Variants in KIF18A observed in about 807,000 individuals in gnomAD.
The protein encoded by KIF18A is kinesin family member 18A.
Under a neutral mutation model 103.3 loss-of-function variants are expected in KIF18A, and 67 were observed. That is an observed-to-expected ratio of 0.65 (90% CI 0.53 to 0.79). The LOEUF is 0.79. KIF18A is among the 30% of genes least tolerant of loss of function. The pLI is 0.00. For synonymous variants in KIF18A, 367 were observed against 355.5 expected, an observed-to-expected ratio of 1.03 and a Z score of -0.36; for missense variants, 1,032 against 1,062.5, an observed-to-expected ratio of 0.97 and a Z score of 0.40.
chr11:28,082,135 A>C (rs1851173393), intron 9 of KIF18A, among the ~76,000 whole-genome samples: 1 of 152,078 alleles, frequency 6.6e-6, no homozygotes, highest in South Asian at 2.1e-4. Context: ...TTTACCACCT[A>C]CTCCCTATAA....
intron 7 of KIF18A, 101 bp from the exon 8 acceptor site, chr11:28,083,344 T>C: frequency 7.8e-7 from 1 of 1,281,180 alleles, no homozygotes; most frequent in Non-Finnish European, 1.0e-6. Context: ...GTTCCATGAA[T>C]TCAGAATTTG....
At chr11:28,052,967 A>G (rs1214915615) in intron 13 of KIF18A, among the ~76,000 whole-genome samples, 1 of 152,230 alleles carries the variant, frequency 6.6e-6, no homozygotes. Flanking sequence ...AGTAATGAAT[A>G]TGGAAAAAAG....
rs72876426 is a variant in KIF18A, at chr11:28,081,141, T to C, written c.1262+1715A>G. ...TAAAAGTGTAAGAAAAAAAGCCTTCTCTAGAACATAAAAGTCTAGGTGAAG... is the reference window on the plus strand; with the variant it reads ...TAAAAGTGTAAGAAAAAAAGCCTTCCCTAGAACATAAAAGTCTAGGTGAAG... On this transcript the variant is annotated intron_variant, in intron 9 of 16. Coordinates refer to ENST00000263181, the MANE Select transcript of KIF18A (RefSeq NM_031217.4). Among the ~76,000 whole-genome samples the C allele has an allele frequency of 1.5e-3, 231 of 152,282 alleles. 1 individual carries two copies. The highest frequency in any genetic ancestry group is 2.5e-3 in the Non-Finnish European group (169 of 68,018).
chr11:28,039,631 G>A (rs370220117), intron 13 of KIF18A, among the ~76,000 whole-genome samples: 16 of 151,748 alleles, frequency 1.1e-4, no homozygotes, highest in South Asian at 4.2e-4. Context: ...AAATATCCAC[G>A]TGTCCTCTGG....
At chr11:28,049,789 C>G (rs1051515620) in intron 13 of KIF18A, among the ~76,000 whole-genome samples, 3 of 151,892 alleles carry the variant, frequency 2.0e-5, no homozygotes, top group Non-Finnish European at 2.9e-5. Context: ...GTGTACTCAT[C>G]ATAAATCTGG....
intron 13 of KIF18A, among the ~76,000 whole-genome samples, chr11:28,038,938 A>G (rs1565072557): frequency 6.6e-6 from 1 of 151,666 alleles, no homozygotes; most frequent in Non-Finnish European, 1.5e-5. Flanking sequence ...GGTGGCTATT[A>G]ATAGCTGGCA....
intron 13 of KIF18A, among the ~76,000 whole-genome samples, chr11:28,038,570 T>C (rs1383125788): frequency 6.6e-6 from 1 of 151,724 alleles, no homozygotes; most frequent in Non-Finnish European, 1.5e-5. Context: ...ATAAGATAAG[T>C]GTTATGCATT....
intron 6 of KIF18A, among the ~76,000 whole-genome samples, chr11:28,086,978 TA>T (rs901521967): frequency 3.6e-4 from 54 of 149,326 alleles, no homozygotes; most frequent in African/African-American, 9.8e-4. Flanking sequence ...TGCCTTTTTT[TA>T]AAAAAAAAAC....
rs760535617 is a variant in KIF18A, at chr11:28,094,732, C to T, written c.394G>A (p.Val132Met). The change falls in exon 3 of 17, where the codon GTG (valine) becomes ATG (methionine). Residue 132 changes from valine (V) to methionine (M), a missense_variant. Coordinates refer to ENST00000263181, the MANE Select transcript of KIF18A (RefSeq NM_031217.4). Reference sequence around the variant, plus strand: ...AGGTGTAACATTGTTAGATACATCACTCCAGGTTCATCAGCTGATCCTAGC... The same window carrying T: ...AGGTGTAACATTGTTAGATACATCATTCCAGGTTCATCAGCTGATCCTAGC... The part of the protein sequence containing the change: ...TMLGSADEPG[V>M]MYLTMLHLYK... The T allele has an allele frequency of 8.1e-6, 13 of 1,613,702 alleles. No homozygotes were observed. In the South Asian group the frequency reaches 1.3e-4, roughly 16 times the overall value.
chr11:28,077,261 T>C, intron 9 of KIF18A, 92 bp from the exon 10 acceptor site: 4 of 834,526 alleles, frequency 4.8e-6, no homozygotes, highest in East Asian at 2.9e-5. Context: ...CAAAGGAATA[T>C]ATGTAATTCA....
intron 1 of KIF18A, 21 bp from the exon 2 acceptor site, chr11:28,098,014 A>G: frequency 8.0e-7 from 1 of 1,251,234 alleles, no homozygotes; most frequent in Non-Finnish European, 1.1e-6. Context: ...AAAAGAAAAT[A>G]AAGTTTTAAT....
chr11:28,058,050 G>C (rs1590684050), intron 13 of KIF18A, among the ~76,000 whole-genome samples: 2 of 152,226 alleles, frequency 1.3e-5, no homozygotes, highest in East Asian at 1.9e-4. Flanking sequence ...CTCTGAGATA[G>C]GGCATAAAAT....
intron 15 of KIF18A, among the ~76,000 whole-genome samples, chr11:28,033,885 AATGG>A (rs1210014461): frequency 1.9e-4 from 29 of 151,844 alleles, no homozygotes; most frequent in African/African-American, 6.8e-4. Context: ...ACAAAGGATA[AATGG>A]ATGAATACTC....
At chr11:28,098,065 T>G in intron 1 of KIF18A, 72 bp from the exon 2 acceptor site, 1 of 753,858 alleles carries the variant, frequency 1.3e-6, no homozygotes, top group African/African-American at 1.8e-5. Context: ...GCATGTAGTA[T>G]TCATTCAAAA....
At chr11:28,072,766 G>GAA (rs760567082) in intron 10 of KIF18A, among the ~76,000 whole-genome samples, 6 of 124,656 alleles carry the variant, frequency 4.8e-5, no homozygotes, top group African/African-American at 1.5e-4. Flanking sequence ...GATGAAAACA[G>GAA]AAAAAAAAAA....
At chr11:28,044,931 ATAAT>A (rs781637142) in intron 13 of KIF18A, among the ~76,000 whole-genome samples, 34 of 152,166 alleles carry the variant, frequency 2.2e-4, no homozygotes, top group African/African-American at 7.2e-4. Flanking sequence ...TAATGAAAAC[ATAAT>A]TAATTTGCAT....
At chr11:28,059,441 T>C (rs1427678609) in intron 12 of KIF18A, among the ~76,000 whole-genome samples, 1 of 152,126 alleles carries the variant, frequency 6.6e-6, no homozygotes, top group Non-Finnish European at 1.5e-5. Flanking sequence ...TATTTGTTTA[T>C]TTATTTTTTA....
intron 13 of KIF18A, among the ~76,000 whole-genome samples, chr11:28,045,329 T>C (rs1352392146): frequency 6.6e-6 from 1 of 151,890 alleles, no homozygotes; most frequent in African/African-American, 2.4e-5. Flanking sequence ...AATATTTCAA[T>C]TCTCCAGGAA....
At chr11:28,063,153 T>A (rs1344408551) in intron 11 of KIF18A, among the ~76,000 whole-genome samples, 1 of 152,004 alleles carries the variant, frequency 6.6e-6, no homozygotes, top group Admixed American at 6.6e-5. Context: ...GGCCTATGAG[T>A]CATGTGATTT....
Sources: gnomAD v4.1 joint callset for allele counts (sites outside exome capture counted in the v4.1 genomes callset) on GRCh38, gnomAD v4.1.1 for gene constraint, MANE v1.5 for transcripts, NCBI Gene and HGNC (gene_info 2026-07-23, HGNC 2026-07-21) for gene names.